FTO: variants seen among roughly 807,000 people sequenced by gnomAD.
FTO encodes the protein alpha-ketoglutarate-dependent dioxygenase FTO.
A neutral mutation model predicts 63.9 loss-of-function variants in FTO; 47 were observed. The observed-to-expected ratio is 0.74, with a 90% CI of 0.58 to 0.94. FTO has a LOEUF of 0.94. Ranked by LOEUF, FTO falls within the 40% of genes least tolerant of loss-of-function variation. The pLI is 0.00. For synonymous variants in FTO, 207 were observed against 224.4 expected, an observed-to-expected ratio of 0.92 and a Z score of 0.69; for missense variants, 562 against 618.1, an observed-to-expected ratio of 0.91 and a Z score of 0.96.
chr16:54,038,696 C>G (rs879873403), intron 8 of FTO, among the ~76,000 whole-genome samples: 12 of 152,106 alleles, frequency 7.9e-5, no homozygotes. Context: ...GTTTAAAGAG[C>G]CTGGCACCTC....
intron 8 of FTO, among the ~76,000 whole-genome samples, chr16:53,952,929 G>A (rs760030464): frequency 2.0e-5 from 3 of 152,084 alleles, no homozygotes; most frequent in African/African-American, 4.8e-5. Flanking sequence ...TTTTTTGAGC[G>A]GTATTTATGA....
intron 8 of FTO, among the ~76,000 whole-genome samples, chr16:53,946,326 G>C (rs1023833619): frequency 1.3e-5 from 2 of 152,192 alleles, no homozygotes; most frequent in African/African-American, 4.8e-5. Flanking sequence ...GAAAGAAATA[G>C]GTTAGTGGTT....
chr16:53,869,084 G>C (rs1399830609), intron 4 of FTO, among the ~76,000 whole-genome samples: 1 of 151,966 alleles, frequency 6.6e-6, no homozygotes, highest in African/African-American at 2.4e-5. Context: ...CACCTGCCTT[G>C]GTCTCCCAAA....
At chr16:53,794,640 AG>A (rs2078013864) in intron 1 of FTO, among the ~76,000 whole-genome samples, 1 of 151,664 alleles carries the variant, frequency 6.6e-6, no homozygotes, top group East Asian at 1.9e-4. Flanking sequence ...GTGGGTCTTG[AG>A]GGGCAGGAGG....
In FTO at chr16:53,911,520, G is replaced by A. The variant is rs1013946106; in HGVS notation, c.1240-22465G>A. 4.0e-5 allele frequency: 28 copies of A among 702,400 alleles called. 1 individual carries two copies. The Admixed American group carries it at 5.6e-4, about 14-fold the overall frequency. 43.5% of individuals were successfully genotyped at this position (702,400 alleles called of 1,614,324 possible). ...GAGGACAAGGTGGGGGAAGATAGGT[G>A]AATCTATAGATGCATTTGTGTCATC... On this transcript the variant is annotated intron_variant, in intron 7 of 8. Transcript: ENST00000471389.
chr16:53,924,247 G>A (rs1377254959), intron 7 of FTO, among the ~76,000 whole-genome samples: 2 of 152,074 alleles, frequency 1.3e-5, no homozygotes, highest in African/African-American at 4.8e-5. Flanking sequence ...TCACGAGTTC[G>A]GTGCTATTAC....
Position 54,119,449 on chromosome 16 carries a change from C to T in FTO, c.*7534C>T, listed in dbSNP as rs2086992150. On this transcript the variant is annotated 3_prime_UTR_variant, in exon 9 of 9. Transcript: ENST00000471389. ...TCACCTTCCTTCCCCCTGCCCCCAA[C>T]TCTGCAGACAGAGGTTTCCCGTTGA... is the stretch of plus-strand genomic sequence containing the variant. The T allele has an allele frequency of 6.6e-6, 1 of 152,284 alleles. No individual in the cohort carries two copies. Among genetic ancestry groups the T allele is most frequent in the Non-Finnish European group, 1.5e-5 (1 of 68,118 alleles). The allele number at this position is 152,284 out of a possible 1,614,324, so 9.4% of individuals were successfully genotyped here.
chr16:53,730,636 A>T (rs2076251641), intron 1 of FTO, among the ~76,000 whole-genome samples: 1 of 152,132 alleles, frequency 6.6e-6, no homozygotes, highest in South Asian at 2.1e-4. Context: ...CTGGGACTAC[A>T]GGTGTGCACC....
At chr16:53,975,878 C>G (rs562554110) in intron 8 of FTO, among the ~76,000 whole-genome samples, 11 of 152,198 alleles carry the variant, frequency 7.2e-5, no homozygotes, top group South Asian at 4.2e-4. Context: ...CTGATTATAG[C>G]AACCCTATGA....
chr16:53,948,150 T>G (rs2082692597), intron 8 of FTO, among the ~76,000 whole-genome samples: 1 of 152,118 alleles, frequency 6.6e-6, no homozygotes, highest in Non-Finnish European at 1.5e-5. Context: ...CATCTACTAG[T>G]TTTTGTACGA....
At chr16:53,786,140 G>A (rs1036414990) in intron 1 of FTO, among the ~76,000 whole-genome samples, 2 of 152,124 alleles carry the variant, frequency 1.3e-5, no homozygotes, top group Non-Finnish European at 2.9e-5. Context: ...ATGGTGAGTG[G>A]TTTCAGAGGC....
At chr16:53,807,935 C>T (rs2078414359) in intron 1 of FTO, among the ~76,000 whole-genome samples, 1 of 149,992 alleles carries the variant, frequency 6.7e-6, no homozygotes, top group Admixed American at 6.7e-5. Context: ...ATCAATTAAC[C>T]AATAGTGAAT....
intron 8 of FTO, among the ~76,000 whole-genome samples, chr16:54,036,222 C>A (rs1459412717): frequency 6.6e-6 from 1 of 152,188 alleles, no homozygotes; most frequent in Non-Finnish European, 1.5e-5. Context: ...TCTGAATTTA[C>A]CACATTAGTC....
At chr16:53,780,174 G>A (rs979190123) in intron 1 of FTO, among the ~76,000 whole-genome samples, 3 of 152,148 alleles carry the variant, frequency 2.0e-5, no homozygotes, top group African/African-American at 7.2e-5. Context: ...AGCTCTGAGA[G>A]CTCACCAGCC....
intron 4 of FTO, among the ~76,000 whole-genome samples, chr16:53,859,158 A>G (rs1246594186): frequency 1.3e-5 from 2 of 152,108 alleles, no homozygotes; most frequent in Non-Finnish European, 2.9e-5. Flanking sequence ...TCCCCTTTGT[A>G]TGTGCAGAGC....
chr16:53,952,004 G>GATC (rs1331021971), intron 8 of FTO, among the ~76,000 whole-genome samples: 4 of 152,066 alleles, frequency 2.6e-5, no homozygotes, highest in Admixed American at 1.3e-4. Flanking sequence ...AGAAGATGCT[G>GATC]ATCATCATCA....
At chr16:53,745,476 G>C (rs2076628884) in intron 1 of FTO, among the ~76,000 whole-genome samples, 1 of 152,162 alleles carries the variant, frequency 6.6e-6, no homozygotes, top group Non-Finnish European at 1.5e-5. Flanking sequence ...ACAGAATTCA[G>C]CTCCACTGTG....
chr16:53,803,175 G>C (rs913536492), intron 1 of FTO, among the ~76,000 whole-genome samples: 1 of 152,154 alleles, frequency 6.6e-6, no homozygotes, highest in African/African-American at 2.4e-5. Flanking sequence ...TGTGCTTGCT[G>C]TTCCTTTAAG....
intron 5 of FTO, among the ~76,000 whole-genome samples, chr16:53,874,143 T>G (rs1018128975): frequency 3.9e-5 from 6 of 152,168 alleles, no homozygotes; most frequent in African/African-American, 1.4e-4. Flanking sequence ...GTTAGAGGTT[T>G]ATTTAGAGGG....
Sources: gnomAD v4.1 joint callset for allele counts (sites outside exome capture counted in the v4.1 genomes callset) on GRCh38, gnomAD v4.1.1 for gene constraint, MANE v1.5 for transcripts, NCBI Gene and HGNC (gene_info 2026-07-23, HGNC 2026-07-21) for gene names.